Variants in SORCS1 observed in about 807,000 individuals in gnomAD.
SORCS1 encodes VPS10 domain-containing receptor SorCS1.
A neutral mutation model predicts 146.1 loss-of-function variants in SORCS1; 60 were observed. The ratio of observed to expected loss-of-function variants is 0.41; its 90% CI spans 0.33 to 0.51. SORCS1 has a LOEUF of 0.51. SORCS1 is among the 20% of genes least tolerant of loss of function. SORCS1 has a pLI of 0.21. For missense variants in SORCS1, 1,352 were observed against 1,487.6 expected, an observed-to-expected ratio of 0.91 and a Z score of 1.50; for synonymous variants, 637 against 584.0, an observed-to-expected ratio of 1.09 and a Z score of -1.31.
In SORCS1 at chr10:106,927,320, CAGATGAGTGT is replaced by C. The variant is rs565662786; in HGVS notation, c.626+29183_626+29192del. On this transcript the variant is annotated intron_variant, in intron 2 of 25. Coordinates refer to ENST00000263054, the MANE Select transcript of SORCS1 (RefSeq NM_052918.5). ...TCAGGAGTGAAGCTGCGGACCTTCACAGATGAGTGTTACAGCTTTTAAGGCGGCGCGTCTG... is the reference window on the plus strand; with the variant it reads ...TCAGGAGTGAAGCTGCGGACCTTCACTACAGCTTTTAAGGCGGCGCGTCTG... Among the ~76,000 whole-genome samples, 9 of 152,120 alleles carry C rather than the reference CAGATGAGTGT, an allele frequency of 5.9e-5. No homozygotes were observed. In the South Asian group the frequency reaches 1.9e-3, roughly 32 times the overall value.
At chr10:106,934,043 G>A (rs1284139119) in intron 2 of SORCS1, among the ~76,000 whole-genome samples, 5 of 142,882 alleles carry the variant, frequency 3.5e-5, no homozygotes, top group Admixed American at 2.9e-4. Context: ...GCAGTGAGTC[G>A]AGATCACACC....
intron 24 of SORCS1, among the ~76,000 whole-genome samples, chr10:106,594,317 A>T (rs951936859): frequency 5.3e-5 from 8 of 152,186 alleles, no homozygotes; most frequent in African/African-American, 1.9e-4. Context: ...ATCTTTTAAA[A>T]TTTTTTAAAT....
chr10:106,706,821 C>A (rs183965783), intron 7 of SORCS1, among the ~76,000 whole-genome samples, 187 bp from the exon 8 acceptor site: 6 of 152,174 alleles, frequency 3.9e-5, no homozygotes, highest in African/African-American at 1.4e-4. Context: ...AGCTGGTCAG[C>A]GGCCCAAACT....
At chr10:106,768,652 T>C (rs953351506) in intron 4 of SORCS1, among the ~76,000 whole-genome samples, 4 of 152,232 alleles carry the variant, frequency 2.6e-5, no homozygotes, top group Admixed American at 2.6e-4. Flanking sequence ...TGGGACCTTT[T>C]AGTGATTGTC....
intron 3 of SORCS1, among the ~76,000 whole-genome samples, chr10:106,817,944 T>C (rs938339707): frequency 3.0e-4 from 45 of 152,370 alleles, no homozygotes; most frequent in African/African-American, 9.9e-4. Flanking sequence ...TACAGCCCTC[T>C]CTAAACTCTT....
intron 1 of SORCS1, among the ~76,000 whole-genome samples, chr10:107,150,259 C>A (rs749575569): frequency 6.6e-6 from 1 of 152,172 alleles, no homozygotes; most frequent in African/African-American, 2.4e-5. Context: ...CATGCCCATG[C>A]TAAAAATTCA....
chr10:106,983,690 C>G (rs1303586815), intron 1 of SORCS1, among the ~76,000 whole-genome samples: 1 of 152,162 alleles, frequency 6.6e-6, no homozygotes, highest in Non-Finnish European at 1.5e-5. Context: ...TAGCCAGGAA[C>G]ACTAAGGAAT....
At position 106,708,229 on chromosome 10, in the gene SORCS1, TGAA is replaced by T. The variant is rs533123427; in HGVS notation, c.1143+991_1143+993del. 2.0e-5 allele frequency among the ~76,000 whole-genome samples: 3 copies of T among 150,776 alleles called. No individual in the cohort carries two copies. In the South Asian group the frequency reaches 6.3e-4, roughly 31 times the overall value. Reference sequence around the variant, plus strand: ...TCAGAGTATTAATTACTAATTTCCCTGAAGAATAAAGAAATGGTGTGTGTGTGT... The same window carrying T: ...TCAGAGTATTAATTACTAATTTCCCTGAATAAAGAAATGGTGTGTGTGTGT... On this transcript the variant is annotated intron_variant, in intron 7 of 25. Coordinates refer to ENST00000263054, the MANE Select transcript of SORCS1 (RefSeq NM_052918.5).
chr10:106,635,059 C>T (rs979550637), intron 18 of SORCS1, among the ~76,000 whole-genome samples: 2 of 152,120 alleles, frequency 1.3e-5, no homozygotes, highest in Admixed American at 6.5e-5. Context: ...GCATTGCTGA[C>T]GTCTAGAATA....
chr10:106,937,391 T>G (rs1044103788), intron 2 of SORCS1, among the ~76,000 whole-genome samples: 4 of 149,670 alleles, frequency 2.7e-5, no homozygotes, highest in Non-Finnish European at 5.9e-5. Context: ...TTGGCTAGGG[T>G]GGTTTTGAAC....
In SORCS1 at chr10:107,082,189, A is replaced by G. The variant is rs137899898; in HGVS notation, c.558+81780T>C. On this transcript the variant is annotated intron_variant, in intron 1 of 25. Transcript: ENST00000263054. ...GCAAAGATTTTTCTGTCCTCAAGGC[A>G]TGGTTTCCCACCTGTCAGAACAGGG... Among the ~76,000 whole-genome samples, 170 of 152,300 alleles carry G rather than the reference A, an allele frequency of 1.1e-3. 2 individuals carry two copies. Among genetic ancestry groups the G allele is most frequent in the African/African-American group, 3.8e-3 (157 of 41,554 alleles).
At chr10:106,593,276 T>A (rs1400154878) in intron 24 of SORCS1, among the ~76,000 whole-genome samples, 1 of 151,332 alleles carries the variant, frequency 6.6e-6, no homozygotes, top group African/African-American at 2.5e-5. Context: ...ATTCAAATAT[T>A]TTTTTTCTTT....
chr10:106,615,576 G>A (rs1165247838), intron 21 of SORCS1, among the ~76,000 whole-genome samples: 3 of 152,166 alleles, frequency 2.0e-5, no homozygotes, highest in African/African-American at 7.2e-5. Context: ...TACTTTGGGA[G>A]GCTGAGGAGG....
the SORCS1 span, among the ~76,000 whole-genome samples, chr10:107,177,639 T>C: frequency 3.3e-5 from 5 of 152,270 alleles, no homozygotes; most frequent in Non-Finnish European, 5.9e-5. Context: ...TGCCTATTTA[T>C]GGTAGATGTG....
intron 1 of SORCS1, among the ~76,000 whole-genome samples, chr10:106,967,531 T>C (rs1241957939): frequency 6.6e-6 from 1 of 151,850 alleles, no homozygotes; most frequent in Non-Finnish European, 1.5e-5. Context: ...AATAGAAAAA[T>C]GAAACAGGCC....
At chr10:106,659,423 T>C (rs180761587) in intron 17 of SORCS1, among the ~76,000 whole-genome samples, 2 of 152,294 alleles carry the variant, frequency 1.3e-5, no homozygotes, top group Non-Finnish European at 2.9e-5. Flanking sequence ...ATCATACTGA[T>C]TGAGAATGGC....
At chr10:106,968,739 T>C (rs1398164380) in intron 1 of SORCS1, among the ~76,000 whole-genome samples, 1 of 152,186 alleles carries the variant, frequency 6.6e-6, no homozygotes, top group Non-Finnish European at 1.5e-5. Flanking sequence ...CTGAAAAGAA[T>C]GCAAGCTTTT....
At chr10:106,792,680 C>T (rs985804310) in intron 3 of SORCS1, among the ~76,000 whole-genome samples, 1 of 152,144 alleles carries the variant, frequency 6.6e-6, no homozygotes, top group Non-Finnish European at 1.5e-5. Flanking sequence ...AGTAACTAAC[C>T]AACATTTTAA....
chr10:106,620,981 C>A (rs928239342), intron 19 of SORCS1, among the ~76,000 whole-genome samples: 1 of 152,156 alleles, frequency 6.6e-6, no homozygotes, highest in African/African-American at 2.4e-5. Flanking sequence ...CTTCAAACCA[C>A]TCTCTATGTC....
Sources: allele counts gnomAD v4.1 joint callset (sites outside exome capture counted in the v4.1 genomes callset), GRCh38; gene constraint gnomAD v4.1.1; transcripts MANE v1.5; gene names NCBI Gene and HGNC (gene_info 2026-07-23, HGNC 2026-07-21).